The following NEMP2 variants were observed in gnomAD, a reference collection of about 807,000 sequenced individuals.
NEMP2 encodes UPF0571 transmembrane protein.
Under a neutral mutation model 54.2 loss-of-function variants are expected in NEMP2, and 53 were observed. The ratio of observed to expected loss-of-function variants is 0.98; its 90% CI spans 0.78 to 1.23. The LOEUF (loss-of-function observed/expected upper bound fraction) is 1.23, where lower values mean the gene tolerates loss of function less well. Among genes scored for constraint, NEMP2 ranks in the 50% most tolerant of loss-of-function variants. The pLI is 0.00. For missense variants in NEMP2, 455 were observed against 511.3 expected (o/e 0.89, Z 1.06); for synonymous variants, 197 against 190.3 (o/e 1.04, Z -0.29).
the NEMP2 span, chr2:190,437,362 G>A: frequency 1.2e-5 from 20 of 1,614,106 alleles, no homozygotes; most frequent in Admixed American, 3.3e-5. This position sits in a 1 kb window ranked among gnomAD's most constrained non-coding sequence, Gnocchi z 5.9. Flanking sequence ...GCTCTGCAGC[G>A]TGCAGTATGG....
chr2:190,501,564 GGA>G (rs1690025868), downstream of NEMP2: 1 of 152,182 alleles, frequency 6.6e-6, no homozygotes. Flanking sequence ...GATGAGCACA[GGA>G]GAGAGAGGAA....
the NEMP2 span, among the ~76,000 whole-genome samples, chr2:190,554,252 C>T: frequency 6.6e-6 from 1 of 152,168 alleles, no homozygotes; most frequent in Non-Finnish European, 1.5e-5. The surrounding 1 kb of genome is among the most constrained non-coding windows in gnomAD (Gnocchi z 5.7). Context: ...ACCGAGCTAG[C>T]CGCAGGAGTT....
the NEMP2 span, among the ~76,000 whole-genome samples, chr2:190,574,483 C>T: frequency 1.3e-5 from 2 of 152,098 alleles, no homozygotes; most frequent in African/African-American, 4.8e-5. Context: ...AATTCATATA[C>T]CATATGTCAC....
At chr2:190,439,425 T>C in the NEMP2 span, among the ~76,000 whole-genome samples, 1 of 152,178 alleles carries the variant, frequency 6.6e-6, no homozygotes, top group Non-Finnish European at 1.5e-5. This position sits in a 1 kb window ranked among gnomAD's most constrained non-coding sequence, Gnocchi z 5.8. Flanking sequence ...ACGTGCAGAT[T>C]TGTTGCATGT....
In NEMP2 at chr2:190,534,638, C is replaced by A. The variant is rs1691302055; in HGVS notation, c.18G>T (p.Gly6=). 7.5e-7 allele frequency: 1 copy of A among 1,340,306 alleles called. No individual in the cohort carries two copies. The allele number at this position is 1,340,306 out of a possible 1,614,324, so 83.0% of individuals were successfully genotyped here. Residue 6 remains glycine, a synonymous_variant, in exon 1 of 9, where the codon GGG becomes GGT. Coordinates refer to ENST00000409150, the MANE Select transcript of NEMP2 (RefSeq NM_001142645.2). ...GCAGCCAGAGCAGCAGCCACCACCGCCCTTGGCGCGGCCCCATTTCGTTAG... is the reference window on the plus strand; with the variant it reads ...GCAGCCAGAGCAGCAGCCACCACCGACCTTGGCGCGGCCCCATTTCGTTAG... MGPRQ[G]RWWLLLWLPP... is the part of the protein sequence containing the mutation.
the NEMP2 span, among the ~76,000 whole-genome samples, chr2:190,467,518 C>T: frequency 2.6e-5 from 4 of 152,042 alleles, no homozygotes; most frequent in Admixed American, 1.3e-4. The surrounding 1 kb of genome is among the most constrained non-coding windows in gnomAD (Gnocchi z 5.5). Flanking sequence ...GAGGCTGAGG[C>T]GGGAGAATTG....
chr2:190,592,702 T>G, the NEMP2 span, among the ~76,000 whole-genome samples: 1 of 152,214 alleles, frequency 6.6e-6, no homozygotes, highest in Admixed American at 6.5e-5. This position sits in a 1 kb window ranked among gnomAD's most constrained non-coding sequence, Gnocchi z 4.4. Context: ...ACAGGCTCTT[T>G]TTTGTTAGAA....
At chr2:190,556,843 A>C in the NEMP2 span, among the ~76,000 whole-genome samples, 1 of 152,222 alleles carries the variant, frequency 6.6e-6, no homozygotes. Flanking sequence ...AACAAATGGA[A>C]AAACATTCCA....
At chr2:190,572,056 AT>A in the NEMP2 span, among the ~76,000 whole-genome samples, 1 of 152,074 alleles carries the variant, frequency 6.6e-6, no homozygotes, top group Non-Finnish European at 1.5e-5. Context: ...TCAAAAAGCC[AT>A]TTCTATGTGC....
the NEMP2 span, among the ~76,000 whole-genome samples, chr2:190,587,788 G>C: frequency 3.3e-5 from 5 of 152,176 alleles, no homozygotes; most frequent in Non-Finnish European, 7.4e-5. This position sits in a 1 kb window ranked among gnomAD's most constrained non-coding sequence, Gnocchi z 5.4. Flanking sequence ...TCAGGAAGTA[G>C]GCTCCGAAAT....
At chr2:190,607,242 G>A in the NEMP2 span, among the ~76,000 whole-genome samples, 4 of 152,180 alleles carry the variant, frequency 2.6e-5, no homozygotes, top group African/African-American at 4.8e-5. The surrounding 1 kb of genome is among the most constrained non-coding windows in gnomAD (Gnocchi z 5.2). Flanking sequence ...TGCAGCTTGG[G>A]TATGTGTAGG....
chr2:190,593,797 A>C, the NEMP2 span, among the ~76,000 whole-genome samples: 1 of 152,260 alleles, frequency 6.6e-6, no homozygotes, highest in Non-Finnish European at 1.5e-5. This position sits in a 1 kb window ranked among gnomAD's most constrained non-coding sequence, Gnocchi z 4.5. Context: ...TATTTTTCCA[A>C]TTTTAAAGTT....
chr2:190,581,005 G>A, the NEMP2 span, among the ~76,000 whole-genome samples: 1 of 152,186 alleles, frequency 6.6e-6, no homozygotes, highest in Admixed American at 6.5e-5. Context: ...AGAACAGATA[G>A]TAACTAATGT....
At chr2:190,500,507 A>G, downstream of NEMP2, 1 of 365,532 alleles carries the variant, frequency 2.7e-6, no homozygotes. The surrounding 1 kb of genome is among the most constrained non-coding windows in gnomAD (Gnocchi z 5.3). Context: ...TTTCTCTGCC[A>G]GTGCAGTAAG....
chr2:190,466,794 T>C, the NEMP2 span, among the ~76,000 whole-genome samples: 5 of 152,128 alleles, frequency 3.3e-5, no homozygotes, highest in Non-Finnish European at 7.4e-5. Flanking sequence ...ATTGTGAAAG[T>C]AGAAATGTGG....
chr2:190,455,224 TAA>T, the NEMP2 span, among the ~76,000 whole-genome samples: 1 of 152,084 alleles, frequency 6.6e-6, no homozygotes, highest in Non-Finnish European at 1.5e-5. Flanking sequence ...TGCTATTTAT[TAA>T]GTTACTATTA....
the NEMP2 span, chr2:190,436,721 G>C: frequency 6.2e-7 from 1 of 1,614,182 alleles, no homozygotes; most frequent in East Asian, 2.2e-5. This position sits in a 1 kb window ranked among gnomAD's most constrained non-coding sequence, Gnocchi z 5.3. Context: ...CCCCAGACAG[G>C]TGAAATTACT....
the NEMP2 span, among the ~76,000 whole-genome samples, chr2:190,547,143 T>C: frequency 6.6e-6 from 1 of 152,236 alleles, no homozygotes; most frequent in Non-Finnish European, 1.5e-5. The surrounding 1 kb of genome is among the most constrained non-coding windows in gnomAD (Gnocchi z 6.2). Flanking sequence ...TGGTAGCCTA[T>C]ACCCTTGCTA....
At chr2:190,599,039 G>A in the NEMP2 span, among the ~76,000 whole-genome samples, 6 of 152,094 alleles carry the variant, frequency 3.9e-5, no homozygotes, top group Non-Finnish European at 7.4e-5. Context: ...AGGAGTATGG[G>A]CCAGGACTTG....
Sources: allele counts gnomAD v4.1 joint callset (sites outside exome capture counted in the v4.1 genomes callset), GRCh38; gene constraint gnomAD v4.1.1; non-coding constraint Gnocchi (gnomAD v3.1); transcripts MANE v1.5; gene names NCBI Gene and HGNC (gene_info 2026-07-23, HGNC 2026-07-21).